FLRT2: variants seen among roughly 807,000 people sequenced by gnomAD.
FLRT2 encodes the protein leucine-rich repeat transmembrane protein FLRT2.
FLRT2 carries 15 observed loss-of-function variants against 40.0 expected under a neutral mutation model. The observed-to-expected ratio is 0.38, with a 90% CI of 0.25 to 0.58. The LOEUF (loss-of-function observed/expected upper bound fraction) is 0.58. FLRT2 is among the 20% of genes least tolerant of loss of function. The probability of loss-of-function intolerance (pLI) is 0.71; values close to 1 mark genes in which losing one functional copy is unlikely to be tolerated. For synonymous variants in FLRT2, 380 were observed against 336.8 expected (o/e 1.13, Z -1.41); for missense variants, 726 against 840.0 (o/e 0.86, Z 1.68).
chr14:85,645,330 G>T lies in FLRT2; in HGVS notation c.*21833G>T, dbSNP rs189046290. On this transcript the variant is annotated 3_prime_UTR_variant, in exon 2 of 2. Coordinates refer to ENST00000330753, the MANE Select transcript of FLRT2 (RefSeq NM_013231.6). ...TATATATACACATATAAATGTGTGC[G>T]TGTATATATATATGATTGGCTGAGT... is the stretch of plus-strand genomic sequence containing the variant. The T allele has an allele frequency of 2.0e-5, 3 of 151,524 alleles. No individual in the cohort carries two copies. Among genetic ancestry groups the T allele is most frequent in the Middle Eastern group, 6.9e-3 (2 of 290 alleles). The allele number at this position is 151,524 out of a possible 1,614,324, so 9.4% of individuals were successfully genotyped here.
At chr14:85,610,383 T>G (rs2139350201) in intron 1 of FLRT2, among the ~76,000 whole-genome samples, 1 of 152,332 alleles carries the variant, frequency 6.6e-6, no homozygotes, top group East Asian at 1.9e-4. Context: ...TCTCAAGAAC[T>G]TCTTTCAGCT....
intron 1 of FLRT2, among the ~76,000 whole-genome samples, chr14:85,607,045 A>T (rs1892653943): frequency 6.6e-6 from 1 of 151,864 alleles, no homozygotes; most frequent in Non-Finnish European, 1.5e-5. Flanking sequence ...ACAAATTCTC[A>T]TAATAGCTAA....
At chr14:85,581,780 C>A (rs1230117998) in intron 1 of FLRT2, among the ~76,000 whole-genome samples, 1 of 152,022 alleles carries the variant, frequency 6.6e-6, no homozygotes, top group Non-Finnish European at 1.5e-5. Context: ...GAGATTGGTG[C>A]CCCAAAGTTC....
At position 85,626,749 on chromosome 14, in the gene FLRT2, G is replaced by A. The variant is rs983516042; in HGVS notation, c.*3252G>A. 3.6e-5 allele frequency: 6 copies of A among 166,990 alleles called. No individual in the cohort carries two copies. Among genetic ancestry groups the A allele is most frequent in the Admixed American group, 6.5e-5 (1 of 15,278 alleles). 10.3% of individuals were successfully genotyped at this position (166,990 alleles called of 1,614,324 possible). ...AACATTCTCCCCTGTGAGAAATAATGCAATTTCTAATTATCTGGATGTTCG... is the reference window on the plus strand; with the variant it reads ...AACATTCTCCCCTGTGAGAAATAATACAATTTCTAATTATCTGGATGTTCG... On this transcript the variant is annotated 3_prime_UTR_variant, in exon 2 of 2. Transcript: ENST00000330753.
rs60877598 is a variant in FLRT2 at position 85,569,680 on chromosome 14, G to A, written c.-377+39146G>A. ...TGTCCCCTAGCCCTTTGGTTATCAC[G>A]GTTTGTTTTGGTTTTAGCAGAGCTA... On this transcript the variant is annotated intron_variant, in intron 1 of 1. Transcript: ENST00000330753. 2.8e-3 allele frequency among the ~76,000 whole-genome samples: 420 copies of A among 152,248 alleles called. 3 individuals are homozygous for A. The highest frequency in any genetic ancestry group is 9.9e-3 in the African/African-American group (410 of 41,554).
intron 1 of FLRT2, chr14:85,562,779 A>G (rs1010101157): frequency 6.6e-6 from 1 of 152,080 alleles, no homozygotes; most frequent in Admixed American, 6.5e-5. Context: ...AATGAAATCT[A>G]TTGAACAGTA....
intron 1 of FLRT2, among the ~76,000 whole-genome samples, chr14:85,580,655 AC>A (rs1429498380): frequency 2.0e-5 from 3 of 152,200 alleles, no homozygotes; most frequent in African/African-American, 7.2e-5. Context: ...ACTTATTAGG[AC>A]ATATTCCTGC....
intron 1 of FLRT2, among the ~76,000 whole-genome samples, chr14:85,545,995 C>A (rs544003859): frequency 3.9e-5 from 6 of 152,168 alleles, no homozygotes; most frequent in Non-Finnish European, 7.3e-5. Flanking sequence ...TTTTCAAAAT[C>A]TATGTAATTG....
chr14:85,566,213 T>A (rs561242525), intron 1 of FLRT2, among the ~76,000 whole-genome samples: 1 of 152,242 alleles, frequency 6.6e-6, no homozygotes, highest in South Asian at 2.1e-4. Context: ...TCTACCTGGT[T>A]AGAGACCCAC....
Position 85,653,342 on chromosome 14 carries a change from G to T in FLRT2, c.*29845G>T, listed in dbSNP as rs897640838. 6.6e-6 allele frequency: 1 copy of T among 152,056 alleles called. No individual in the cohort carries two copies. Among genetic ancestry groups the T allele is most frequent in the African/African-American group, 2.4e-5 (1 of 41,406 alleles). 9.4% of individuals were successfully genotyped at this position (152,056 alleles called of 1,614,324 possible). A position where few individuals can be genotyped will look rare whatever the true frequency, so the allele number is the denominator to read the frequency against. ...AGAAATCTTCTGGTGCCATCAATGG[G>T]ATGCAATTTGGCTAGTCACACCTGG... On this transcript the variant is annotated 3_prime_UTR_variant, in exon 2 of 2. Coordinates refer to ENST00000330753, the MANE Select transcript of FLRT2 (RefSeq NM_013231.6).
At position 85,641,720 on chromosome 14, in the gene FLRT2, T is replaced by A. The variant is rs1894154141; in HGVS notation, c.*18223T>A. The A allele has an allele frequency of 1.3e-5, 2 of 152,240 alleles. No individual in the cohort carries two copies. Among genetic ancestry groups the A allele is most frequent in the Admixed American group, 6.5e-5 (1 of 15,280 alleles). 9.4% of individuals were successfully genotyped at this position (152,240 alleles called of 1,614,324 possible). A position where few individuals can be genotyped will look rare whatever the true frequency, so the allele number is the denominator to read the frequency against. The stretch of plus-strand genomic sequence containing the variant: ...GCATTTTATCTTGTTGGATTAAGTA[T>A]TTGATAATAAAACTGATTGTGGGTC... On this transcript the variant is annotated 3_prime_UTR_variant, in exon 2 of 2. Transcript: ENST00000330753.
At chr14:85,540,679 A>G (rs1474795336) in intron 1 of FLRT2, among the ~76,000 whole-genome samples, 1 of 151,526 alleles carries the variant, frequency 6.6e-6, no homozygotes, top group Admixed American at 6.6e-5. Flanking sequence ...TTTTCAATCT[A>G]TGATTTGCTA....
chr14:85,535,487 T>C (rs1012542930), intron 1 of FLRT2, among the ~76,000 whole-genome samples: 4 of 152,204 alleles, frequency 2.6e-5, no homozygotes, highest in Non-Finnish European at 2.9e-5. Context: ...GATTCTCACT[T>C]GTTTTCATTA....
chr14:85,615,577 G>A (rs537438554), intron 1 of FLRT2, among the ~76,000 whole-genome samples: 8 of 152,198 alleles, frequency 5.3e-5, no homozygotes, highest in African/African-American at 1.9e-4. Context: ...ACTTCCGGGG[G>A]CTTGGTTGAA....
rs1170430404 is a variant in FLRT2 at position 85,638,488 on chromosome 14, T to C, written c.*14991T>C. ...TTACTTCTCCCTCTACCAGTCCTGG[T>C]TCTTCATAGCCTTCCACAGGTGTCA... On this transcript the variant is annotated 3_prime_UTR_variant, in exon 2 of 2. Transcript: ENST00000330753. 1 of 152,348 alleles carries C rather than the reference T, an allele frequency of 6.6e-6. No individual in the cohort carries two copies. Among genetic ancestry groups the C allele is most frequent in the Non-Finnish European group, 1.5e-5 (1 of 68,210 alleles). 9.4% of individuals were successfully genotyped at this position (152,348 alleles called of 1,614,324 possible). A position where few individuals can be genotyped will look rare whatever the true frequency, so the allele number is the denominator to read the frequency against.
At chr14:85,614,168 G>T (rs914500689) in intron 1 of FLRT2, among the ~76,000 whole-genome samples, 3 of 152,034 alleles carry the variant, frequency 2.0e-5, no homozygotes, top group African/African-American at 7.2e-5. Flanking sequence ...GAGAAGTGAC[G>T]CAGTGTGCCC....
intron 1 of FLRT2, among the ~76,000 whole-genome samples, chr14:85,604,575 A>T (rs542629931): frequency 1.6e-3 from 239 of 152,050 alleles, no homozygotes; most frequent in African/African-American, 5.6e-3. Context: ...ATTGAGAGAG[A>T]GTTGGAAAAC....
At position 85,635,997 on chromosome 14, in the gene FLRT2, T is replaced by C. The variant is rs949794545; in HGVS notation, c.*12500T>C. On this transcript the variant is annotated 3_prime_UTR_variant, in exon 2 of 2. Transcript: ENST00000330753. Reference sequence around the variant, plus strand: ...TAATTGATAATAGTCTAATGATTGATATTTTAAATTAATGGCTTGTAATTG... The same window carrying C: ...TAATTGATAATAGTCTAATGATTGACATTTTAAATTAATGGCTTGTAATTG... 6 of 152,134 alleles carry C rather than the reference T, an allele frequency of 3.9e-5. No homozygotes were observed. Among genetic ancestry groups the C allele is most frequent in the African/African-American group, 1.4e-4 (6 of 41,450 alleles). The allele number at this position is 152,134 out of a possible 1,614,324, so 9.4% of individuals were successfully genotyped here. A position where few individuals can be genotyped will look rare whatever the true frequency, so the allele number is the denominator to read the frequency against.
In FLRT2 at chr14:85,643,195, C is replaced by T. The variant is rs1894192922; in HGVS notation, c.*19698C>T. 1 of 152,122 alleles carries T rather than the reference C, an allele frequency of 6.6e-6. No homozygotes were observed. The highest frequency in any genetic ancestry group is 1.5e-5 in the Non-Finnish European group (1 of 68,050). 9.4% of individuals were successfully genotyped at this position (152,122 alleles called of 1,614,324 possible). A position where few individuals can be genotyped will look rare whatever the true frequency, so the allele number is the denominator to read the frequency against. ...TTTAGGGGCACATAAATATACAGTCCATAACAGGGAGATAGGAACATTGGA... is the reference window on the plus strand; with the variant it reads ...TTTAGGGGCACATAAATATACAGTCTATAACAGGGAGATAGGAACATTGGA... On this transcript the variant is annotated 3_prime_UTR_variant, in exon 2 of 2. Coordinates refer to ENST00000330753, the MANE Select transcript of FLRT2 (RefSeq NM_013231.6).
Sources: gnomAD v4.1 joint callset for allele counts (sites outside exome capture counted in the v4.1 genomes callset) on GRCh38, gnomAD v4.1.1 for gene constraint, MANE v1.5 for transcripts, NCBI Gene and HGNC (gene_info 2026-07-23, HGNC 2026-07-21) for gene names.